The following PBX4 variants were observed in gnomAD, a reference collection of about 807,000 sequenced individuals.
PBX4 encodes pre-B-cell leukemia transcription factor 4.
PBX4 carries 26 observed loss-of-function variants against 35.1 expected under a neutral mutation model. That is an observed-to-expected ratio of 0.74 (90% CI 0.54 to 1.03). The LOEUF is 1.03. Ranked by LOEUF, PBX4 falls within the 50% of genes least tolerant of loss-of-function variation. PBX4 has a pLI of 0.00. For missense variants in PBX4, 448 were observed against 504.3 expected, an observed-to-expected ratio of 0.89 and a Z score of 1.07; for synonymous variants, 199 against 204.2, an observed-to-expected ratio of 0.97 and a Z score of 0.22.
chr19:19,563,489 G>A lies in PBX4; in HGVS notation c.1032+20C>T, dbSNP rs2061321034. The A allele has an allele frequency of 1.3e-6, 2 of 1,523,180 alleles. No individual in the cohort carries two copies. The highest frequency in any genetic ancestry group is 1.4e-5 in the African/African-American group (1 of 72,328). 94.4% of individuals were successfully genotyped at this position (1,523,180 alleles called of 1,614,324 possible). On this transcript the variant is annotated intron_variant, in intron 7 of 7. Coordinates refer to ENST00000251203, the MANE Select transcript of PBX4 (RefSeq NM_025245.3). The surrounding 1 kb of genome is among the most constrained non-coding windows in gnomAD (Gnocchi z 5.1). ...ACCTACCACCCACCTGGGCGCTGTGGGACAGTGCCTGAGACTCACCTGGGA... is the reference window on the plus strand; with the variant it reads ...ACCTACCACCCACCTGGGCGCTGTGAGACAGTGCCTGAGACTCACCTGGGA...
At chr19:19,604,411 G>A (rs537815567) in intron 1 of PBX4, among the ~76,000 whole-genome samples, 1 of 124,374 alleles carries the variant, frequency 8.0e-6, no homozygotes, top group East Asian at 2.9e-4. Flanking sequence ...AGGTTGCAGC[G>A]AGACAAGATC....
intron 2 of PBX4, among the ~76,000 whole-genome samples, chr19:19,591,663 G>A (rs1047429701): frequency 1.3e-5 from 2 of 152,122 alleles, no homozygotes; most frequent in African/African-American, 4.8e-5. Context: ...TCAGCACACC[G>A]CCTCGGAGCT....
chr19:19,562,167 A>G lies in PBX4; in HGVS notation c.1033-50T>C, dbSNP rs779817347. 1 of 1,446,422 alleles carries G rather than the reference A, an allele frequency of 6.9e-7. No homozygotes were observed. Among genetic ancestry groups the G allele is most frequent in the Non-Finnish European group, 9.5e-7 (1 of 1,050,330 alleles). The allele number at this position is 1,446,422 out of a possible 1,614,324, so 89.6% of individuals were successfully genotyped here. On this transcript the variant is annotated intron_variant, in intron 7 of 7. Coordinates refer to ENST00000251203, the MANE Select transcript of PBX4 (RefSeq NM_025245.3). The surrounding 1 kb of genome is among the most constrained non-coding windows in gnomAD (Gnocchi z 4.8). ...AGAGTGGGTGGCCGTGAGACTGGTG[A>G]CTACCCAGCCCACGTGCTGCAGGCG...
At chr19:19,602,736 T>TG (rs1242423539) in intron 1 of PBX4, among the ~76,000 whole-genome samples, 2 of 126,414 alleles carry the variant, frequency 1.6e-5, no homozygotes, top group Non-Finnish European at 3.5e-5. Context: ...CTATTAATTA[T>TG]GTTTTTTTTT....
chr19:19,602,703 G>A (rs2061605110), intron 1 of PBX4, among the ~76,000 whole-genome samples: 4 of 151,958 alleles, frequency 2.6e-5, no homozygotes, highest in Admixed American at 2.6e-4. Flanking sequence ...TCAAAGTATT[G>A]GGATTATAGG....
intron 1 of PBX4, among the ~76,000 whole-genome samples, chr19:19,614,012 G>A (rs1002779586): frequency 6.6e-6 from 1 of 152,062 alleles, no homozygotes; most frequent in Non-Finnish European, 1.5e-5. Flanking sequence ...AGCCATCTTG[G>A]TTTCTCTAGC....
At chr19:19,609,611 C>G (rs934534374) in intron 1 of PBX4, among the ~76,000 whole-genome samples, 13 of 148,964 alleles carry the variant, frequency 8.7e-5, no homozygotes, top group African/African-American at 2.5e-4. Context: ...AGCACTTTGG[C>G]AGGCCGAGGA....
chr19:19,578,665 C>T (rs16996166), intron 2 of PBX4, among the ~76,000 whole-genome samples: 6,957 of 152,230 alleles, frequency 0.046, 541 homozygotes, highest in African/African-American at 0.16. Context: ...GCAGAAACTC[C>T]AGTAAATCAA....
intron 1 of PBX4, among the ~76,000 whole-genome samples, chr19:19,607,717 C>T (rs961601461): frequency 1.3e-5 from 2 of 152,266 alleles, no homozygotes; most frequent in African/African-American, 4.8e-5. Context: ...TATCTACCAA[C>T]AGTATGTTTT....
intron 2 of PBX4, among the ~76,000 whole-genome samples, chr19:19,578,221 ATG>A (rs1406921907): frequency 6.6e-6 from 1 of 151,634 alleles, no homozygotes; most frequent in Non-Finnish European, 1.5e-5. Context: ...TTTGCTATAT[ATG>A]TGTTATAAGC....
chr19:19,616,649 G>C (rs999419079), intron 1 of PBX4, among the ~76,000 whole-genome samples: 1 of 151,690 alleles, frequency 6.6e-6, no homozygotes, highest in Non-Finnish European at 1.5e-5. Flanking sequence ...AGATTCGTAG[G>C]CCCCATGTAA....
In PBX4 at chr19:19,583,489, T is replaced by C. The variant is rs924837307; in HGVS notation, c.194-12656A>G. On this transcript the variant is annotated intron_variant, in intron 2 of 7. Transcript: ENST00000251203. ...TGAGTCAGGTTTGGTGGCACACACCTGTAATCCCAGCTACTCGAGAAGCTG... is the reference window on the plus strand; with the variant it reads ...TGAGTCAGGTTTGGTGGCACACACCCGTAATCCCAGCTACTCGAGAAGCTG... Among the ~76,000 whole-genome samples the C allele has an allele frequency of 2.7e-4, 41 of 151,962 alleles. 1 individual carries two copies. The highest frequency in any genetic ancestry group is 2.7e-3 in the Admixed American group (41 of 15,248).
At chr19:19,600,121 A>T (rs1183837632) in intron 1 of PBX4, among the ~76,000 whole-genome samples, 1 of 150,834 alleles carries the variant, frequency 6.6e-6, no homozygotes, top group African/African-American at 2.4e-5. Flanking sequence ...CAGCCCAGGC[A>T]ATAGAGTGAG....
chr19:19,584,253 C>T (rs2061474749), intron 2 of PBX4, among the ~76,000 whole-genome samples: 1 of 152,070 alleles, frequency 6.6e-6, no homozygotes, highest in Admixed American at 6.6e-5. Flanking sequence ...AATAAAAAAC[C>T]CACAGGCAAA....
chr19:19,609,916 A>G (rs2061654127), intron 1 of PBX4, among the ~76,000 whole-genome samples: 1 of 152,176 alleles, frequency 6.6e-6, no homozygotes, highest in Non-Finnish European at 1.5e-5. Flanking sequence ...GGTTCTGGGG[A>G]GGGGTAAATG....
intron 1 of PBX4, among the ~76,000 whole-genome samples, chr19:19,617,117 C>T (rs775543057): frequency 2.0e-5 from 3 of 152,182 alleles, no homozygotes; most frequent in Non-Finnish European, 4.4e-5. Flanking sequence ...TGTTCTTCTC[C>T]ACCTGGCTTC....
intron 2 of PBX4, chr19:19,588,283 AT>A: frequency 8.5e-7 from 1 of 1,172,994 alleles, no homozygotes; most frequent in Non-Finnish European, 1.3e-6. Context: ...TTCATCACAT[AT>A]GCACACCAGA....
At chr19:19,592,120 T>C (rs1599365875) in intron 2 of PBX4, among the ~76,000 whole-genome samples, 1 of 152,122 alleles carries the variant, frequency 6.6e-6, no homozygotes, top group African/African-American at 2.4e-5. Context: ...TGACCTCAGG[T>C]GATCCGTCTG....
chr19:19,609,234 G>T (rs1298210568), intron 1 of PBX4, among the ~76,000 whole-genome samples: 2 of 152,088 alleles, frequency 1.3e-5, no homozygotes, highest in Non-Finnish European at 2.9e-5. Context: ...CAGTTATCTG[G>T]CCACTTGATT....
Sources: gnomAD v4.1 joint callset for allele counts (sites outside exome capture counted in the v4.1 genomes callset) on GRCh38, gnomAD v4.1.1 for gene constraint, Gnocchi (gnomAD v3.1) non-coding constraint, MANE v1.5 for transcripts, NCBI Gene and HGNC (gene_info 2026-07-23, HGNC 2026-07-21) for gene names.